The following SRBD1 variants were observed in gnomAD, a reference collection of about 807,000 sequenced individuals.
The protein encoded by SRBD1 is S1 RNA binding domain 1.
Under a neutral mutation model 115.3 loss-of-function variants are expected in SRBD1, and 88 were observed. The ratio of observed to expected loss-of-function variants is 0.76; its 90% CI spans 0.64 to 0.91. SRBD1 has a LOEUF of 0.91. Ranked by LOEUF, SRBD1 falls within the 40% of genes least tolerant of loss-of-function variation. SRBD1 has a pLI of 0.00. For synonymous variants in SRBD1, 509 were observed against 407.7 expected (o/e 1.25, Z -2.99); for missense variants, 1,385 against 1,177.4 (o/e 1.18, Z -2.58).
intron 10 of SRBD1, among the ~76,000 whole-genome samples, chr2:45,560,603 A>G (rs1473899980): frequency 1.3e-5 from 2 of 152,246 alleles, no homozygotes; most frequent in Non-Finnish European, 2.9e-5. Flanking sequence ...CCATAGGTGC[A>G]GAGGTAGAAA....
At chr2:45,572,457 A>C (rs1673049376) in intron 9 of SRBD1, among the ~76,000 whole-genome samples, 1 of 152,140 alleles carries the variant, frequency 6.6e-6, no homozygotes. Context: ...TCTTACCACA[A>C]TTAAACATAA....
chr2:45,571,071 G>A (rs1672991024), intron 9 of SRBD1, among the ~76,000 whole-genome samples: 1 of 152,120 alleles, frequency 6.6e-6, no homozygotes, highest in African/African-American at 2.4e-5. Context: ...AGGGCTAGGT[G>A]TATGCTCTGA....
intron 16 of SRBD1, among the ~76,000 whole-genome samples, chr2:45,427,489 A>C (rs917332909): frequency 6.6e-6 from 1 of 152,196 alleles, no homozygotes; most frequent in Non-Finnish European, 1.5e-5. Context: ...GTCTCTAATA[A>C]AACAGACTTT....
At chr2:45,566,518 T>C (rs573568319) in intron 9 of SRBD1, among the ~76,000 whole-genome samples, 2 of 152,272 alleles carry the variant, frequency 1.3e-5, no homozygotes, top group South Asian at 4.1e-4. Flanking sequence ...TCTATAGAGA[T>C]AGAAAGTTGG....
At chr2:45,608,822 A>AT (rs1198504872) in intron 1 of SRBD1, among the ~76,000 whole-genome samples, 552 of 143,498 alleles carry the variant, frequency 3.8e-3, no homozygotes, top group Middle Eastern at 0.018. Context: ...GAAAAAAAAA[A>AT]TTTTTTTTTT....
Position 45,599,793 on chromosome 2 carries a change from T to G in SRBD1, c.304A>C (p.Lys102Gln). Residue 102 changes from lysine (K) to glutamine (Q), a missense_variant, in exon 4 of 21, where the codon AAA becomes CAA. Lys to Gln is a moderately conservative substitution (Grantham distance 53). Coordinates refer to ENST00000263736, the MANE Select transcript of SRBD1 (RefSeq NM_018079.5). ...GTCTGTACAGTATCCAATTTATTTTTTCTGTCTTCTAAAGCAGTATCAGCA... is the reference window on the plus strand; with the variant it reads ...GTCTGTACAGTATCCAATTTATTTTGTCTGTCTTCTAAAGCAGTATCAGCA... ...AIADTALEDR[K>Q]NKLDTVQTLK... 1 of 1,613,970 alleles carries G rather than the reference T, an allele frequency of 6.2e-7. No individual in the cohort carries two copies.
chr2:45,460,503 G>A (rs1572664998), intron 16 of SRBD1, among the ~76,000 whole-genome samples: 1 of 152,090 alleles, frequency 6.6e-6, no homozygotes, highest in South Asian at 2.1e-4. Context: ...GAAATGCTGA[G>A]GAAGGCAGGG....
At chr2:45,542,165 G>A (rs1671963261) in intron 14 of SRBD1, among the ~76,000 whole-genome samples, 1 of 152,216 alleles carries the variant, frequency 6.6e-6, no homozygotes, top group Non-Finnish European at 1.5e-5. Context: ...GTGTTGGTTG[G>A]TGCCCAAAAT....
intron 16 of SRBD1, among the ~76,000 whole-genome samples, chr2:45,439,090 G>A (rs143723633): frequency 6.6e-6 from 1 of 151,942 alleles, no homozygotes; most frequent in African/African-American, 2.4e-5. Flanking sequence ...TCTTTAAAGT[G>A]CTGCACACAC....
intron 14 of SRBD1, among the ~76,000 whole-genome samples, chr2:45,497,982 C>A (rs1472318842): frequency 6.6e-6 from 1 of 152,056 alleles, no homozygotes; most frequent in Non-Finnish European, 1.5e-5. Context: ...CCAGCCTGGG[C>A]GACAGAGTGA....
chr2:45,528,629 G>A (rs1022490880), intron 14 of SRBD1, among the ~76,000 whole-genome samples: 2 of 151,842 alleles, frequency 1.3e-5, no homozygotes, highest in African/African-American at 4.8e-5. Context: ...GTGAGAACTT[G>A]AAACTATGTA....
chr2:45,531,293 C>A (rs1671603806), intron 14 of SRBD1, among the ~76,000 whole-genome samples: 2 of 151,686 alleles, frequency 1.3e-5, no homozygotes, highest in African/African-American at 4.8e-5. Flanking sequence ...AAAAGATAAG[C>A]AGGTAAGTGA....
chr2:45,440,234 T>TA lies in SRBD1; in HGVS notation c.2050-20341dup, dbSNP rs59843955. On this transcript the variant is annotated intron_variant, in intron 16 of 20. Transcript: ENST00000263736. ...ATAACTTCTTTATGAATCATGAAAC[T>TA]AAAAAAATGAGTCTTTTTGTATGTT... Among the ~76,000 whole-genome samples, 1,051 of 152,246 alleles carry TA rather than the reference T, an allele frequency of 6.9e-3. 16 individuals are homozygous for TA. The highest frequency in any genetic ancestry group is 0.024 in the African/African-American group (1,002 of 41,538).
chr2:45,465,919 A>G (rs1280653950), intron 16 of SRBD1, among the ~76,000 whole-genome samples: 1 of 152,152 alleles, frequency 6.6e-6, no homozygotes, highest in Non-Finnish European at 1.5e-5. Context: ...GAGGCTGCAA[A>G]ATTTTATGGT....
chr2:45,447,783 A>T (rs1179671411), intron 16 of SRBD1: 2 of 152,242 alleles, frequency 1.3e-5, no homozygotes, highest in African/African-American at 4.8e-5. Flanking sequence ...GTTACGTAAC[A>T]AAAGCTGAGT....
intron 15 of SRBD1, among the ~76,000 whole-genome samples, chr2:45,478,513 G>C (rs1000509707): frequency 6.6e-6 from 1 of 152,164 alleles, no homozygotes; most frequent in Non-Finnish European, 1.5e-5. Flanking sequence ...TCTCCCAGAA[G>C]AGACGGGGAT....
intron 13 of SRBD1, 108 bp downstream of exon 13, chr2:45,547,414 C>G: frequency 1.1e-6 from 1 of 925,296 alleles, no homozygotes; most frequent in Non-Finnish European, 1.6e-6. Flanking sequence ...GGTTTATTGT[C>G]TCTCACAAAG....
chr2:45,552,783 G>A (rs1287141876), intron 11 of SRBD1, among the ~76,000 whole-genome samples: 1 of 152,114 alleles, frequency 6.6e-6, no homozygotes, highest in African/African-American at 2.4e-5. Flanking sequence ...AAAAGAAATT[G>A]GACAACAGGA....
intron 16 of SRBD1, among the ~76,000 whole-genome samples, chr2:45,440,208 T>C (rs952671729): frequency 5.9e-5 from 9 of 152,178 alleles, no homozygotes; most frequent in African/African-American, 1.7e-4. Flanking sequence ...AAACAAAATA[T>C]ATAACTTCTT....
Sources: gnomAD v4.1 joint callset for allele counts (sites outside exome capture counted in the v4.1 genomes callset) on GRCh38, gnomAD v4.1.1 for gene constraint, MANE v1.5 for transcripts, NCBI Gene and HGNC (gene_info 2026-07-23, HGNC 2026-07-21) for gene names.